Variants in ANK3 observed in about 807,000 individuals in gnomAD.
The protein encoded by ANK3 is ankyrin 3, also known as ankyrin-3.
Under a neutral mutation model 370.9 loss-of-function variants are expected in ANK3, and 57 were observed. That is an observed-to-expected ratio of 0.15 (90% confidence interval 0.12 to 0.19). ANK3 has a LOEUF of 0.19. ANK3 is among the 10% of genes least tolerant of loss of function. The pLI, the probability that ANK3 is intolerant of heterozygous loss-of-function variation, is 1.00. For missense variants in ANK3, 4,439 were observed against 5,302.1 expected, an observed-to-expected ratio of 0.84 and a Z score of 5.06; for synonymous variants, 1,929 against 1,946.3, an observed-to-expected ratio of 0.99 and a Z score of 0.23.
chr10:60,585,737 T>C (rs2077821460), intron 2 of ANK3, among the ~76,000 whole-genome samples: 1 of 152,138 alleles, frequency 6.6e-6, no homozygotes, highest in Non-Finnish European at 1.5e-5. Context: ...AGAACTGTAC[T>C]ACTAGGCTGG....
At chr10:60,547,587 A>T (rs940023544) in intron 2 of ANK3, among the ~76,000 whole-genome samples, 2 of 151,164 alleles carry the variant, frequency 1.3e-5, no homozygotes, top group Non-Finnish European at 1.5e-5. Flanking sequence ...TTTAGTAGAG[A>T]GCTGGTCTCG....
chr10:60,492,421 C>G (rs12570006), intron 2 of ANK3, among the ~76,000 whole-genome samples: 1 of 151,824 alleles, frequency 6.6e-6, no homozygotes, highest in Non-Finnish European at 1.5e-5. Context: ...GAAATGGCAC[C>G]GTGGGGCTGG....
chr10:60,425,232 G>A lies in ANK3; in HGVS notation c.97-145593C>T, dbSNP rs72806180. ...GGGAGCTGCTGAAGGGTTTTACTGC[G>A]TAAGTGACAGAGTCAGACTTGTGTT... On this transcript the variant is annotated intron_variant, in intron 2 of 43. Coordinates refer to the ANK3 transcript ENST00000373827. Among the ~76,000 whole-genome samples, 407 of 152,162 alleles carry A rather than the reference G, an allele frequency of 2.7e-3. 1 individual carries two copies. The highest frequency in any genetic ancestry group is 3.4e-3 in the Middle Eastern group (1 of 294).
At chr10:60,137,680 GA>G (rs1272855182) in intron 24 of ANK3, among the ~76,000 whole-genome samples, 10 of 151,666 alleles carry the variant, frequency 6.6e-5, no homozygotes, top group African/African-American at 1.2e-4. Context: ...ATTATATTAA[GA>G]AAAAAAATAC....
intron 1 of ANK3, among the ~76,000 whole-genome samples, chr10:60,280,042 C>A (rs72822212): frequency 0.019 from 2,932 of 152,178 alleles, 36 homozygotes; most frequent in South Asian, 0.033. Context: ...CAATTTTTTC[C>A]ATTAATGGAT....
rs1229786789 is a variant in ANK3, at chr10:60,136,981, T to C, written c.2738+1983A>G. On this transcript the variant is annotated intron_variant, in intron 24 of 43. Coordinates refer to ENST00000280772, the MANE Select transcript of ANK3 (RefSeq NM_020987.5). ...CTCAGAATTCTAAATTTATACTAAT[T>C]TACCTAGCACAACTCAAATAAAACA... is the stretch of plus-strand genomic sequence containing the variant. Among the ~76,000 whole-genome samples, 3 of 152,042 alleles carry C rather than the reference T, an allele frequency of 2.0e-5. No individual in the cohort carries two copies. In the East Asian group the frequency reaches 5.8e-4, roughly 29 times the overall value.
intron 25 of ANK3, among the ~76,000 whole-genome samples, chr10:60,131,365 G>A (rs1590517432): frequency 1.3e-5 from 2 of 152,196 alleles, no homozygotes; most frequent in African/African-American, 4.8e-5. Context: ...GAATGCCTAT[G>A]TGGGTATTCT....
At chr10:60,576,780 T>G (rs2077687746) in intron 2 of ANK3, among the ~76,000 whole-genome samples, 4 of 152,176 alleles carry the variant, frequency 2.6e-5, no homozygotes, top group African/African-American at 9.7e-5. Context: ...CAAAGGAATC[T>G]TTAGAGCTAA....
intron 24 of ANK3, among the ~76,000 whole-genome samples, 187 bp from the exon 25 acceptor site, chr10:60,134,560 T>C (rs1228839342): frequency 6.6e-6 from 1 of 152,238 alleles, no homozygotes; most frequent in Non-Finnish European, 1.5e-5. Context: ...GTAGACAACC[T>C]TATGATTAGA....
intron 2 of ANK3, among the ~76,000 whole-genome samples, chr10:60,579,018 A>C (rs1171969419): frequency 1.3e-5 from 2 of 152,150 alleles, no homozygotes; most frequent in Admixed American, 6.5e-5. Context: ...AACAGGAGAA[A>C]AAAAAATGAG....
At chr10:60,336,310 G>T (rs1566675492) in intron 1 of ANK3, among the ~76,000 whole-genome samples, 1 of 152,134 alleles carries the variant, frequency 6.6e-6, no homozygotes, top group Non-Finnish European at 1.5e-5. Flanking sequence ...AGTTTAAAAT[G>T]TAAGAGTGAG....
At chr10:60,255,262 C>G (rs1016096025) in intron 7 of ANK3, among the ~76,000 whole-genome samples, 1 of 152,110 alleles carries the variant, frequency 6.6e-6, no homozygotes, top group African/African-American at 2.4e-5. Flanking sequence ...TCATTGCCTT[C>G]TAGGTGAATG....
In ANK3 at chr10:60,071,614, T is replaced by C. The variant is rs983228771; in HGVS notation, c.9267A>G (p.Ile3089Met). Residue 3089 changes from isoleucine (I) to methionine (M), a missense_variant, in exon 37 of 44, where the codon ATA becomes ATG. Physicochemically the swap from Ile to Met is conservative, Grantham distance 10 (BLOSUM62 1). Coordinates refer to ENST00000280772, the MANE Select transcript of ANK3 (RefSeq NM_020987.5). ...AACTGACATAAACGGGTAAAGTTTT[T>C]ATCTCTTTCCCTCCCTCTGTCTGGG... Reference protein sequence around the residue: ...PLAQTEGGKEIKTLPVYVSFV... With the variant: ...PLAQTEGGKEMKTLPVYVSFV... 1 of 1,613,860 alleles carries C rather than the reference T, an allele frequency of 6.2e-7. No individual in the cohort carries two copies. Among genetic ancestry groups the C allele is most frequent in the Non-Finnish European group, 8.5e-7 (1 of 1,179,916 alleles).
intron 1 of ANK3, among the ~76,000 whole-genome samples, chr10:60,377,317 A>G (rs763517370): frequency 3.3e-5 from 5 of 152,206 alleles, no homozygotes; most frequent in Admixed American, 2.6e-4. Context: ...GGACATTTCA[A>G]GGGGTTACTA....
chr10:60,117,268 G>A (rs971189737), intron 25 of ANK3, among the ~76,000 whole-genome samples: 12 of 152,140 alleles, frequency 7.9e-5, no homozygotes, highest in Admixed American at 7.9e-4. Flanking sequence ...AGAAAACAAA[G>A]GGAATTTTCA....
At chr10:60,085,023 A>G in intron 31 of ANK3, 134 bp downstream of exon 31, 1 of 810,240 alleles carries the variant, frequency 1.2e-6, no homozygotes, top group Non-Finnish European at 1.9e-6. Context: ...TTTGAGGATA[A>G]TTTTGATAAG....
At chr10:60,410,629 A>T (rs1014212217) in intron 2 of ANK3, among the ~76,000 whole-genome samples, 1 of 152,110 alleles carries the variant, frequency 6.6e-6, no homozygotes, top group East Asian at 1.9e-4. Flanking sequence ...TTGATGTGAC[A>T]TGTGGCACCT....
intron 2 of ANK3, among the ~76,000 whole-genome samples, chr10:60,598,341 C>A (rs2078015903): frequency 6.6e-6 from 1 of 152,214 alleles, no homozygotes; most frequent in South Asian, 2.1e-4. Flanking sequence ...TATTTCCCTT[C>A]TCTTTAACTC....
At chr10:60,453,161 G>T (rs2064656024) in intron 2 of ANK3, among the ~76,000 whole-genome samples, 1 of 152,186 alleles carries the variant, frequency 6.6e-6, no homozygotes, top group Non-Finnish European at 1.5e-5. Flanking sequence ...AGCTATGAAA[G>T]CCTGGGCAAG....
Sources: gnomAD v4.1 joint callset for allele counts (sites outside exome capture counted in the v4.1 genomes callset) on GRCh38, gnomAD v4.1.1 for gene constraint, MANE v1.5 for transcripts, NCBI Gene and HGNC (gene_info 2026-07-23, HGNC 2026-07-21) for gene names.